SCNN1D: variants seen among roughly 807,000 people sequenced by gnomAD.
SCNN1D encodes the protein epithelial sodium channel subunit delta.
Under a neutral mutation model 87.8 loss-of-function variants are expected in SCNN1D, and 104 were observed. That is an observed-to-expected ratio of 1.18 (90% CI 1.01 to 1.39). The LOEUF (loss-of-function observed/expected upper bound fraction) is 1.39, where lower values mean the gene tolerates loss of function less well. SCNN1D is among the 40% of genes most tolerant of loss of function. SCNN1D has a pLI of 0.00. For missense variants in SCNN1D, 1,324 were observed against 1,093.9 expected (o/e 1.21, Z -2.97); for synonymous variants, 628 against 481.2 (o/e 1.31, Z -3.99).
At position 1,285,598 on chromosome 1, in the gene SCNN1D, G is replaced by A. The variant is rs368676359; in HGVS notation, c.492G>A (p.Arg164=). 3 of 1,543,762 alleles carry A rather than the reference G, an allele frequency of 1.9e-6. No homozygotes were observed. The highest frequency in any genetic ancestry group is 2.6e-6 in the Non-Finnish European group (3 of 1,143,642). Residue 164 remains arginine (R), a synonymous_variant, in exon 6 of 18, where the codon AGG becomes AGA. Transcript: ENST00000379116. The part of the protein sequence containing the change: ...SRSPGPVAPQ[R]PCHLKGWQHR... ...CGCCTGGGCCTGTGGCTCCCCAGAGGCCCTGCCACCTGAAGGGATGGCAGC... is the reference window on the plus strand; with the variant it reads ...CGCCTGGGCCTGTGGCTCCCCAGAGACCCTGCCACCTGAAGGGATGGCAGC...
At chr1:1,281,205 C>T (rs1640462262) in intron 1 of SCNN1D, 21 bp from the exon 2 acceptor site, 1 of 1,533,090 alleles carries the variant, frequency 6.5e-7, no homozygotes, top group Non-Finnish European at 8.7e-7. Context: ...CCCACAGATG[C>T]CAGGCGCCTG....
At chr1:1,286,331 T>C in intron 7 of SCNN1D, 53 bp downstream of exon 7, 4 of 1,390,952 alleles carry the variant, frequency 2.9e-6, no homozygotes, top group Non-Finnish European at 3.9e-6. Flanking sequence ...TCCTTGCCCC[T>C]GTGACCGTCT....
At chr1:1,287,058 AGCGGGGCCTGGGCT>A in intron 8 of SCNN1D, 37 bp from the exon 9 acceptor site, 1 of 1,576,522 alleles carries the variant, frequency 6.3e-7, no homozygotes, top group Non-Finnish European at 8.6e-7. Flanking sequence ...TCGAGTGGGG[AGCGGGGCCTGGGCT>A]GTAGCCACAG....
rs141251506 is a variant in SCNN1D at position 1,291,417 on chromosome 1, C to G, written c.2216C>G (p.Ala739Gly). 3.1e-3 allele frequency: 5,009 copies of G among 1,606,754 alleles called. 8 individuals are homozygous for G. Among genetic ancestry groups the G allele is most frequent in the Non-Finnish European group, 3.8e-3 (4,486 of 1,177,364 alleles). ...AGGGCGTGGTTCTCCTGGCCCAGAG[C>G]CAGCCCTGCCTCAGGGGCGTCCAGC... ...LRRAWFSWPR[A>G]SPASGASSIK... is the part of the protein sequence containing the mutation. The change falls in exon 18 of 18, where the codon GCC becomes GGC. Residue 739 changes from alanine to glycine, a missense_variant. Transcript: ENST00000379116.
At chr1:1,290,873 A>G in intron 15 of SCNN1D, 22 bp from the exon 16 acceptor site, 1 of 1,608,574 alleles carries the variant, frequency 6.2e-7, no homozygotes, top group Non-Finnish European at 8.5e-7. Flanking sequence ...AGCCGTGGCC[A>G]CAGCAAACCT....
At position 1,291,511 on chromosome 1, in the gene SCNN1D, G is replaced by A; in HGVS notation, c.2310G>A (p.Gly770=). The A allele has an allele frequency of 4.4e-6, 7 of 1,608,550 alleles. No individual in the cohort carries two copies. The highest frequency in any genetic ancestry group is 1.7e-4 in the Middle Eastern group (1 of 6,046). The stretch of plus-strand genomic sequence containing the variant: ...CGTCAGATGACCCGGAGCCCAGCGG[G>A]CCTCATCTCCCACGGGTGATGCTTC... ...GGTSDDPEPS[G]PHLPRVMLPG... Residue 770 remains glycine (G), a synonymous_variant, in exon 18 of 18, where the codon GGG becomes GGA. Transcript: ENST00000379116.
rs1640761015 is a variant in SCNN1D at position 1,290,362 on chromosome 1, G to T, written c.1754G>T (p.Cys585Phe). The T allele has an allele frequency of 6.3e-7, 1 of 1,599,746 alleles. No homozygotes were observed. The highest frequency in any genetic ancestry group is 1.3e-5 in the African/African-American group (1 of 74,798). The change falls in exon 13 of 18, where the codon TGC becomes TTC. Residue 585 changes from cysteine (C) to phenylalanine (F), a missense_variant. By Grantham distance (205) the Cys-to-Phe change is radical. Transcript: ENST00000379116. ...LHPLPAGAEYCSSARHPAWGH... is the reference protein window; with the variant it reads ...LHPLPAGAEYFSSARHPAWGH... The stretch of plus-strand genomic sequence containing the variant: ...CCTCTGCCGGCGGGGGCTGAGTACT[G>T]CAGCTCTGCCCGGCACCCTGCCTGG...
intron 12 of SCNN1D, among the ~76,000 whole-genome samples, 199 bp downstream of exon 12, chr1:1,288,236 G>C (rs1167690305): frequency 7.8e-6 from 1 of 128,356 alleles, no homozygotes; most frequent in Non-Finnish European, 1.6e-5. Flanking sequence ...TCTCTGCTCC[G>C]TCCCGTGTCT....
At chr1:1,286,427 A>C in intron 7 of SCNN1D, 149 bp downstream of exon 7, 1 of 700,688 alleles carries the variant, frequency 1.4e-6, no homozygotes, top group Non-Finnish European at 2.3e-6. Flanking sequence ...GACCTCCCAA[A>C]CCTCGGTGCC....
intron 1 of SCNN1D, 196 bp from the exon 2 acceptor site, chr1:1,281,030 C>T: frequency 1.6e-6 from 1 of 610,614 alleles, no homozygotes; most frequent in Non-Finnish European, 2.9e-6. Flanking sequence ...CCCAGAGGGA[C>T]CCCAGGCCAC....
At chr1:1,288,083 TG>T in intron 12 of SCNN1D, 46 bp downstream of exon 12, 1 of 284,554 alleles carries the variant, frequency 3.5e-6, no homozygotes, top group Non-Finnish European at 6.6e-6. Flanking sequence ...GAGGCTGGGC[TG>T]GCCAGGGGGT....
chr1:1,281,899 G>A (rs1391314998), intron 3 of SCNN1D: 3 of 567,032 alleles, frequency 5.3e-6, no homozygotes, highest in Admixed American at 3.4e-5. Flanking sequence ...CACTCCCGGG[G>A]ACACAGGGAG....
Position 1,291,867 on chromosome 1 carries a change from G to A in SCNN1D, c.*257G>A. 2.4e-6 allele frequency: 1 copy of A among 414,874 alleles called. No individual in the cohort carries two copies. The highest frequency in any genetic ancestry group is 6.5e-5 in the South Asian group (1 of 15,486). The allele number at this position is 414,874 out of a possible 1,614,324, so 25.7% of individuals were successfully genotyped here. ...GCGGCTGGACGTGCCGACACGCGGT[G>A]ATGTACCCATGCTCCGTGTGTCTGT... On this transcript the variant is annotated 3_prime_UTR_variant, in exon 18 of 18. Transcript: ENST00000379116.
chr1:1,282,264 T>A lies in SCNN1D; in HGVS notation c.300T>A (p.Ala100=), dbSNP rs763622156. Residue 100 remains alanine, a synonymous_variant, in exon 4 of 18, where the codon GCT becomes GCA. Transcript: ENST00000379116. ...CGTGLGDSSM[A]FLSRTSPVAA... ...CAGGCCTGGGTGACTCCAGCATGGCTTTCCTCTCCAGGACGTCACCGGTGG... is the reference window on the plus strand; with the variant it reads ...CAGGCCTGGGTGACTCCAGCATGGCATTCCTCTCCAGGACGTCACCGGTGG... 1 of 1,547,882 alleles carries A rather than the reference T, an allele frequency of 6.5e-7. No homozygotes were observed.
At chr1:1,291,175 G>A (rs1355559344) in intron 17 of SCNN1D, 35 bp downstream of exon 17, 23 of 1,602,856 alleles carry the variant, frequency 1.4e-5, no homozygotes, top group African/African-American at 6.7e-5. Flanking sequence ...CTAGAGCGGG[G>A]GCAGCGACAG....
intron 7 of SCNN1D, 82 bp from the exon 8 acceptor site, chr1:1,286,686 G>A: frequency 7.3e-7 from 1 of 1,372,932 alleles, no homozygotes; most frequent in Non-Finnish European, 1.0e-6. Context: ...AGGCACTGCT[G>A]TCCCGACAGC....
intron 13 of SCNN1D, 42 bp downstream of exon 13, chr1:1,290,430 C>G (rs563442735): frequency 6.2e-7 from 1 of 1,610,648 alleles, no homozygotes. Context: ...AGCCATTAGC[C>G]GGGGGGTCAC....
rs945383665 is a variant in SCNN1D at position 1,281,247 on chromosome 1, A to G, written c.27A>G (p.Thr9=). Residue 9 remains threonine, a synonymous_variant, in exon 2 of 18, where the codon ACA becomes ACG. Transcript: ENST00000379116. MRAVLSQK[T]TPLPRYLWPG... is the part of the protein sequence containing the mutation. Reference sequence around the variant, plus strand: ...CCAGGGCAGTGCTGTCACAGAAGACAACACCGCTCCCTCGTTACCTGTGGC... The same window carrying G: ...CCAGGGCAGTGCTGTCACAGAAGACGACACCGCTCCCTCGTTACCTGTGGC... The G allele has an allele frequency of 2.0e-6, 3 of 1,535,570 alleles. No individual in the cohort carries two copies. In the African/African-American group the frequency reaches 4.1e-5, roughly 21 times the overall value.
At chr1:1,283,322 A>G (rs1281589801) in intron 4 of SCNN1D, among the ~76,000 whole-genome samples, 3 of 152,130 alleles carry the variant, frequency 2.0e-5, no homozygotes, top group Non-Finnish European at 2.9e-5. Context: ...GTCCCCACCC[A>G]GTGTCTGTCA....
Sources: gnomAD v4.1 joint callset for allele counts (sites outside exome capture counted in the v4.1 genomes callset) on GRCh38, gnomAD v4.1.1 for gene constraint, MANE v1.5 for transcripts, NCBI Gene and HGNC (gene_info 2026-07-23, HGNC 2026-07-21) for gene names.